LTBP1: variants seen among roughly 807,000 people sequenced by gnomAD.
LTBP1 encodes latent transforming growth factor beta binding protein 1, also known as latent-transforming growth factor beta-binding protein 1.
LTBP1 carries 129 observed loss-of-function variants against 207.6 expected under a neutral mutation model. That is an observed-to-expected ratio of 0.62 (90% CI 0.54 to 0.72). LTBP1 has a LOEUF of 0.72. LTBP1 is among the 30% of genes least tolerant of loss of function. The probability of loss-of-function intolerance (pLI) is 0.00; values close to 1 mark genes in which losing one functional copy is unlikely to be tolerated. For synonymous variants in LTBP1, 963 were observed against 833.7 expected (o/e 1.16, Z -2.67); for missense variants, 2,281 against 2,217.2 (o/e 1.03, Z -0.58).
At chr2:33,263,497 G>A (rs1368094253) in intron 15 of LTBP1, 105 bp downstream of exon 15, 3 of 707,198 alleles carry the variant, frequency 4.2e-6, no homozygotes, top group Admixed American at 4.8e-5. Context: ...GGCAGGGTTA[G>A]CCATACTAGC....
At chr2:33,379,841 G>T (rs2095192120) in intron 31 of LTBP1, among the ~76,000 whole-genome samples, 1 of 152,068 alleles carries the variant, frequency 6.6e-6, no homozygotes, top group Non-Finnish European at 1.5e-5. Flanking sequence ...TAATGTTAAT[G>T]GATAGTGGTA....
intron 3 of LTBP1, among the ~76,000 whole-genome samples, chr2:33,074,659 A>G (rs2077978540): frequency 6.6e-6 from 1 of 152,164 alleles, no homozygotes; most frequent in Non-Finnish European, 1.5e-5. Flanking sequence ...TCATGAGGTC[A>G]GGAGATCGAG....
intron 3 of LTBP1, among the ~76,000 whole-genome samples, chr2:33,076,539 TC>T (rs1441047067): frequency 6.6e-6 from 1 of 151,276 alleles, no homozygotes; most frequent in African/African-American, 2.4e-5. Context: ...TAATTTCCCA[TC>T]CTTTTTTTTT....
intron 2 of LTBP1, among the ~76,000 whole-genome samples, chr2:32,996,158 T>C (rs976333074): frequency 1.3e-5 from 2 of 152,186 alleles, no homozygotes; most frequent in Admixed American, 1.3e-4. Flanking sequence ...TACCGTAAAC[T>C]GGGTGGCTTA....
chr2:33,331,118 G>T (rs780014934), intron 24 of LTBP1, among the ~76,000 whole-genome samples: 5 of 151,622 alleles, frequency 3.3e-5, no homozygotes, highest in Non-Finnish European at 7.4e-5. Flanking sequence ...TCAGTAATTT[G>T]TGCTTATGTT....
chr2:33,245,127 G>A (rs536639072), intron 10 of LTBP1, among the ~76,000 whole-genome samples: 6 of 152,138 alleles, frequency 3.9e-5, no homozygotes, highest in Admixed American at 1.3e-4. Context: ...TGATCCACCC[G>A]CCTCAGCCTC....
intron 3 of LTBP1, among the ~76,000 whole-genome samples, chr2:33,098,978 A>T (rs916446282): frequency 6.6e-6 from 1 of 152,222 alleles, no homozygotes; most frequent in Non-Finnish European, 1.5e-5. Flanking sequence ...TTGTTCTAGT[A>T]TAAGAAGATT....
intron 2 of LTBP1, among the ~76,000 whole-genome samples, chr2:32,990,784 T>C (rs527803745): frequency 6.6e-6 from 1 of 152,312 alleles, no homozygotes; most frequent in East Asian, 1.9e-4. Flanking sequence ...TGAGTCTACC[T>C]GTCTGCACAG....
At chr2:33,391,962 C>A (rs971178494) in intron 32 of LTBP1, among the ~76,000 whole-genome samples, 1 of 152,140 alleles carries the variant, frequency 6.6e-6, no homozygotes, top group African/African-American at 2.4e-5. Context: ...ATATTTCCCC[C>A]TTCCCAGCCA....
At position 32,952,651 on chromosome 2, in the gene LTBP1, T is replaced by C. The variant is rs1008148815; in HGVS notation, c.565+3706T>C. Among the ~76,000 whole-genome samples, 25 of 152,210 alleles carry C rather than the reference T, an allele frequency of 1.6e-4. 1 individual carries two copies. Among genetic ancestry groups the C allele is most frequent in the Non-Finnish European group, 4.4e-5 (3 of 68,042 alleles). On this transcript the variant is annotated intron_variant, in intron 2 of 33. Coordinates refer to ENST00000404816, the MANE Select transcript of LTBP1 (RefSeq NM_206943.4). ...CTCCTATCATTTTTGTAGTTTTTTT[T>C]TTCTGCGCCCAAACTGAACCTCCCC... is the stretch of plus-strand genomic sequence containing the variant.
At chr2:33,381,310 T>C (rs1400466219) in intron 31 of LTBP1, among the ~76,000 whole-genome samples, 2 of 152,222 alleles carry the variant, frequency 1.3e-5, no homozygotes, top group Admixed American at 1.3e-4. Flanking sequence ...TTTTTTGGCA[T>C]TTCTACCCAA....
At chr2:33,253,480 A>G (rs905312922) in intron 11 of LTBP1, among the ~76,000 whole-genome samples, 1 of 152,158 alleles carries the variant, frequency 6.6e-6, no homozygotes, top group Non-Finnish European at 1.5e-5. Context: ...TGAACCACCA[A>G]CTTCTCAAGC....
intron 5 of LTBP1, among the ~76,000 whole-genome samples, chr2:33,170,310 G>A (rs553983637): frequency 1.3e-5 from 2 of 152,288 alleles, no homozygotes; most frequent in South Asian, 2.1e-4. Context: ...CTAATACTGC[G>A]CTTTTCCGAC....
At position 33,134,619 on chromosome 2, in the gene LTBP1, A is replaced by G; in HGVS notation, c.1034-174A>G. 4 of 1,533,060 alleles carry G rather than the reference A, an allele frequency of 2.6e-6. No individual in the cohort carries two copies. The South Asian group carries it at 3.8e-5, about 14-fold the overall frequency. 95.0% of individuals were successfully genotyped at this position (1,533,060 alleles called of 1,614,324 possible). On this transcript the variant is annotated intron_variant, in intron 4 of 33. Transcript: ENST00000404816. The surrounding 1 kb of genome is among the most constrained non-coding windows in gnomAD (Gnocchi z 4.4). ...TCAGAGACACCACTGAATACAGAGCAGCGAGCACTGAAGGCTTCCCTCTTT... is the reference window on the plus strand; with the variant it reads ...TCAGAGACACCACTGAATACAGAGCGGCGAGCACTGAAGGCTTCCCTCTTT...
intron 2 of LTBP1, among the ~76,000 whole-genome samples, chr2:32,991,926 T>G (rs1188738285): frequency 6.6e-6 from 1 of 152,200 alleles, no homozygotes; most frequent in Non-Finnish European, 1.5e-5. Flanking sequence ...TAAATGTGAT[T>G]CCTTAACACT....
intron 8 of LTBP1, 138 bp downstream of exon 8, chr2:33,217,792 A>G (rs2090824811): frequency 1.7e-6 from 1 of 595,368 alleles, no homozygotes; most frequent in East Asian, 3.0e-5. Context: ...TATGATGTGC[A>G]TTTCCAGAAA....
At chr2:33,259,849 C>T (rs2092963749) in intron 13 of LTBP1, among the ~76,000 whole-genome samples, 1 of 152,098 alleles carries the variant, frequency 6.6e-6, no homozygotes, top group Non-Finnish European at 1.5e-5. Context: ...TCTCTACTTT[C>T]ATGAAGCTTC....
rs112835406 is a variant in LTBP1, at chr2:33,296,710, G to A, written c.3235+3428G>A. On this transcript the variant is annotated intron_variant, in intron 20 of 33. Coordinates refer to ENST00000404816, the MANE Select transcript of LTBP1 (RefSeq NM_206943.4). ...TCCAAGATTATAATATATATATAAT[G>A]TCTAAAGTCTAGTATTTAGTTTTGT... 6.0e-3 allele frequency among the ~76,000 whole-genome samples: 908 copies of A among 152,188 alleles called. 7 individuals carry two copies. The highest frequency in any genetic ancestry group is 0.021 in the African/African-American group (878 of 41,518).
intron 22 of LTBP1, among the ~76,000 whole-genome samples, chr2:33,303,639 C>T (rs1016819802): frequency 2.0e-5 from 3 of 152,080 alleles, no homozygotes; most frequent in African/African-American, 7.2e-5. Context: ...CGTGAGCCAC[C>T]GCACCTGGCC....
Sources: allele counts gnomAD v4.1 joint callset (sites outside exome capture counted in the v4.1 genomes callset), GRCh38; gene constraint gnomAD v4.1.1; non-coding constraint Gnocchi (gnomAD v3.1); transcripts MANE v1.5; gene names NCBI Gene and HGNC (gene_info 2026-07-23, HGNC 2026-07-21).